TP53AIP1: variants seen among roughly 807,000 people sequenced by gnomAD.
TP53AIP1 encodes the protein tumor protein p53 regulated apoptosis inducing protein 1, also known as p53-regulated apoptosis-inducing protein 1.
A neutral mutation model predicts 9.5 loss-of-function variants in TP53AIP1; 14 were observed. That is an observed-to-expected ratio of 1.47 (90% CI 0.97 to 2.30). TP53AIP1 has a LOEUF of 2.30. Among genes scored for constraint, TP53AIP1 ranks in the 30% most tolerant of loss-of-function variants. TP53AIP1 has a pLI of 0.00. For synonymous variants in TP53AIP1, 73 were observed against 61.2 expected, an observed-to-expected ratio of 1.19 and a Z score of -0.90; for missense variants, 153 against 146.7, an observed-to-expected ratio of 1.04 and a Z score of -0.22.
Position 128,935,465 on chromosome 11 carries a change from T to G in TP53AIP1, c.*126A>C. 2 of 1,435,738 alleles carry G rather than the reference T, an allele frequency of 1.4e-6. No individual in the cohort carries two copies. The highest frequency in any genetic ancestry group is 1.8e-6 in the Non-Finnish European group (2 of 1,099,754). The allele number at this position is 1,435,738 out of a possible 1,614,324, so 88.9% of individuals were successfully genotyped here. On this transcript the variant is annotated 3_prime_UTR_variant, in exon 4 of 4. Transcript: ENST00000531399. The stretch of plus-strand genomic sequence containing the variant: ...CTGGCCCAGTGGTCAAGGGGGGAAA[T>G]GAGGTGGCCGCTAGTCAGCGCTGGA...
At position 128,937,706 on chromosome 11, in the gene TP53AIP1, C is replaced by A; in HGVS notation, c.113G>T (p.Gly38Val). 2 of 1,614,166 alleles carry A rather than the reference C, an allele frequency of 1.2e-6. No individual in the cohort carries two copies. Among genetic ancestry groups the A allele is most frequent in the Non-Finnish European group, 8.5e-7 (1 of 1,180,028 alleles). The change falls in exon 2 of 4, where the codon GGC becomes GTC. Residue 38 changes from glycine (G) to valine (V), a missense_variant. By Grantham distance (109) the Gly-to-Val change is moderately radical (BLOSUM62 -3). Coordinates refer to ENST00000531399, the MANE Select transcript of TP53AIP1 (RefSeq NM_022112.3). This position sits in a 1 kb window ranked among gnomAD's most constrained non-coding sequence, Gnocchi z 4.8. ...GCCAGGTGTGTGTGTCTGAGCCCTGCCATTCGGAGGCATCACCGAGAGGTT... is the reference window on the plus strand; with the variant it reads ...GCCAGGTGTGTGTGTCTGAGCCCTGACATTCGGAGGCATCACCGAGAGGTT... ...DQNLSVMPPNGRAQTHTPGWV... is the reference protein window; with the variant it reads ...DQNLSVMPPNVRAQTHTPGWV...
At chr11:128,941,616 A>T (rs1374626928) in intron 1 of TP53AIP1, among the ~76,000 whole-genome samples, 3 of 152,142 alleles carry the variant, frequency 2.0e-5, no homozygotes, top group South Asian at 4.1e-4. Context: ...CGGTTCCGAC[A>T]TTTCTTTCTC....
rs1944799648 is a variant in TP53AIP1, at chr11:128,935,527, T to TTTGTTTGC, written c.*63_*64insGCAAACAA. 2.0e-6 allele frequency: 3 copies of TTTGTTTGC among 1,513,166 alleles called. No individual in the cohort carries two copies. The East Asian group carries it at 7.4e-5, about 37-fold the overall frequency. The allele number at this position is 1,513,166 out of a possible 1,614,324, so 93.7% of individuals were successfully genotyped here. A position where few individuals can be genotyped will look rare whatever the true frequency, so the allele number is the denominator to read the frequency against. ...ACGGTGCTTTCTGTTTGTTTGTTTG[T>TTTGTTTGC]TTTTGTTTTGAGATGGAGTCTCTCT... is the stretch of plus-strand genomic sequence containing the variant. On this transcript the variant is annotated 3_prime_UTR_variant, in exon 4 of 4. Transcript: ENST00000531399.
At chr11:128,940,515 C>T (rs1944920368) in intron 1 of TP53AIP1, among the ~76,000 whole-genome samples, 1 of 152,184 alleles carries the variant, frequency 6.6e-6, no homozygotes, top group African/African-American at 2.4e-5. Flanking sequence ...GCCCTTCCAC[C>T]TTCAGCCATG....
rs117095134 is a variant in TP53AIP1, at chr11:128,935,370, T to A, written c.*221A>T. 0.027 allele frequency: 38,471 copies of A among 1,411,382 alleles called. 623 individuals carry two copies. Among genetic ancestry groups the A allele is most frequent in the Admixed American group, 0.062 (2,043 of 33,098 alleles). The allele number at this position is 1,411,382 out of a possible 1,614,324, so 87.4% of individuals were successfully genotyped here. ...GATTGGAATGCAAACTTCACAAGAA[T>A]TTTTTTCCAGCTTTTATTTCAGATT... On this transcript the variant is annotated 3_prime_UTR_variant, in exon 4 of 4. Transcript: ENST00000531399.
At position 128,937,669 on chromosome 11, in the gene TP53AIP1, G is replaced by A. The variant is rs1255931113; in HGVS notation, c.141+9C>T. On this transcript the variant is annotated intron_variant, in intron 2 of 3. Coordinates refer to ENST00000531399, the MANE Select transcript of TP53AIP1 (RefSeq NM_022112.3). The surrounding 1 kb of genome is among the most constrained non-coding windows in gnomAD (Gnocchi z 4.8). ...AAAGACCGTCTCGGTTTTCACTGCA[G>A]GGACTTACCCAGCCAGGTGTGTGTG... 3 of 1,614,188 alleles carry A rather than the reference G, an allele frequency of 1.9e-6. No homozygotes were observed. The highest frequency in any genetic ancestry group is 2.5e-6 in the Non-Finnish European group (3 of 1,180,034).
chr11:128,935,881 A>G, intron 3 of TP53AIP1, 169 bp from the exon 4 acceptor site: 1 of 1,320,290 alleles, frequency 7.6e-7, no homozygotes. Context: ...AAGACAGGAA[A>G]AAAAATCTTT....
At position 128,937,271 on chromosome 11, in the gene TP53AIP1, A is replaced by G; in HGVS notation, c.141+407T>C. The stretch of plus-strand genomic sequence containing the variant: ...AAGCAGGATCCGGGGTGGACGCAGA[A>G]GAGCAGGCCCGGAGCCCTGCACCCC... On this transcript the variant is annotated intron_variant, in intron 2 of 3. Coordinates refer to ENST00000531399, the MANE Select transcript of TP53AIP1 (RefSeq NM_022112.3). This position sits in a 1 kb window ranked among gnomAD's most constrained non-coding sequence, Gnocchi z 4.8. The G allele has an allele frequency of 7.6e-7, 1 of 1,313,302 alleles. No individual in the cohort carries two copies. The highest frequency in any genetic ancestry group is 2.9e-5 in the East Asian group (1 of 34,236). 81.4% of individuals were successfully genotyped at this position (1,313,302 alleles called of 1,614,324 possible).
chr11:128,940,027 C>A (rs1030238381), intron 1 of TP53AIP1, among the ~76,000 whole-genome samples: 9 of 152,110 alleles, frequency 5.9e-5, no homozygotes, highest in Non-Finnish European at 1.3e-4. Flanking sequence ...TGCACCCAGC[C>A]CCCCCTTGCT....
At chr11:128,942,268 T>C (rs552869896) in intron 1 of TP53AIP1, among the ~76,000 whole-genome samples, 7 of 152,292 alleles carry the variant, frequency 4.6e-5, no homozygotes, top group East Asian at 1.9e-4. Context: ...CCCAGATCCA[T>C]TCAAAGTGAA....
chr11:128,935,362 C>T, downstream of TP53AIP1: 14 of 1,414,296 alleles, frequency 9.9e-6, no homozygotes, highest in Non-Finnish European at 1.3e-5. Flanking sequence ...ATGCAAACTT[C>T]ACAAGAATTT....
intron 3 of TP53AIP1, chr11:128,936,213 A>G: frequency 7.4e-6 from 8 of 1,084,776 alleles, no homozygotes; most frequent in Non-Finnish European, 7.8e-6. Context: ...TAAAGTTGGA[A>G]TGGAAGACTG....
At chr11:128,936,712 T>G in intron 2 of TP53AIP1, 63 bp from the exon 3 acceptor site, 1 of 1,508,476 alleles carries the variant, frequency 6.6e-7, no homozygotes, top group Non-Finnish European at 8.8e-7. Flanking sequence ...GGTTTATTCT[T>G]CTCTGGCAGG....
In TP53AIP1 at chr11:128,936,641, A is replaced by C; in HGVS notation, c.150T>G (p.Asp50Glu). The stretch of plus-strand genomic sequence containing the variant: ...GAACTTGGGCACCCAAAACTAAGGG[A>C]TCTGAAACCTGAGAGGAAATGGAAG... ...AQTHTPGWVS[D>E]PLVLGAQVHG... The change falls in exon 3 of 4, where the codon GAT becomes GAG. Residue 50 changes from aspartate (D) to glutamate (E), a missense_variant. By Grantham distance (45) the Asp-to-Glu change is conservative. Coordinates refer to ENST00000531399, the MANE Select transcript of TP53AIP1 (RefSeq NM_022112.3). 6.3e-7 allele frequency: 1 copy of C among 1,582,972 alleles called. No individual in the cohort carries two copies. Among genetic ancestry groups the C allele is most frequent in the African/African-American group, 1.3e-5 (1 of 74,644 alleles).
At position 128,937,316 on chromosome 11, in the gene TP53AIP1, C is replaced by G; in HGVS notation, c.141+362G>C. 1 of 1,393,774 alleles carries G rather than the reference C, an allele frequency of 7.2e-7. No homozygotes were observed. Among genetic ancestry groups the G allele is most frequent in the African/African-American group, 1.5e-5 (1 of 68,916 alleles). The allele number at this position is 1,393,774 out of a possible 1,614,324, so 86.3% of individuals were successfully genotyped here. Reference sequence around the variant, plus strand: ...CACCCCAGCCTTCCCTCCCCATGCGCTCCACATGCGTCCTTTGTTCAGCCT... The same window carrying G: ...CACCCCAGCCTTCCCTCCCCATGCGGTCCACATGCGTCCTTTGTTCAGCCT... On this transcript the variant is annotated intron_variant, in intron 2 of 3. Coordinates refer to ENST00000531399, the MANE Select transcript of TP53AIP1 (RefSeq NM_022112.3). The surrounding 1 kb of genome is among the most constrained non-coding windows in gnomAD (Gnocchi z 4.8).
Position 128,937,429 on chromosome 11 carries a change from G to T in TP53AIP1, c.141+249C>A, listed in dbSNP as rs1944848695. On this transcript the variant is annotated intron_variant, in intron 2 of 3. Transcript: ENST00000531399. The surrounding 1 kb of genome is among the most constrained non-coding windows in gnomAD (Gnocchi z 4.8). ...TCTCAGAAAACCTTTCTGCCTCCTA[G>T]AAACCCAGGATTCCGAGGAGGAGGA... 6.8e-7 allele frequency: 1 copy of T among 1,469,930 alleles called. No individual in the cohort carries two copies. The highest frequency in any genetic ancestry group is 1.4e-5 in the South Asian group (1 of 69,594). 91.1% of individuals were successfully genotyped at this position (1,469,930 alleles called of 1,614,324 possible). A position where few individuals can be genotyped will look rare whatever the true frequency, so the allele number is the denominator to read the frequency against.
At position 128,936,625 on chromosome 11, in the gene TP53AIP1, C is replaced by A. The variant is rs368978732; in HGVS notation, c.166G>T (p.Ala56Ser). Reference protein sequence around the residue: ...GWVSDPLVLGAQVHGGCRGIE... With the variant: ...GWVSDPLVLGSQVHGGCRGIE... ...CCCCGGCACCCTCCGTGAACTTGGGCACCCAAAACTAAGGGATCTGAAACC... is the reference window on the plus strand; with the variant it reads ...CCCCGGCACCCTCCGTGAACTTGGGAACCCAAAACTAAGGGATCTGAAACC... The change falls in exon 3 of 4, where the codon GCC becomes TCC. Residue 56 changes from alanine (A) to serine (S), a missense_variant. Transcript: ENST00000531399. 4 of 1,587,392 alleles carry A rather than the reference C, an allele frequency of 2.5e-6. No individual in the cohort carries two copies. The highest frequency in any genetic ancestry group is 3.4e-6 in the Non-Finnish European group (4 of 1,174,784).
downstream of TP53AIP1, among the ~76,000 whole-genome samples, chr11:128,935,200 C>T (rs547626887): frequency 1.8e-4 from 27 of 152,344 alleles, no homozygotes; most frequent in Admixed American, 1.4e-3. Context: ...TGATCAAACC[C>T]GCACTTCTCA....
At chr11:128,935,180 C>G, downstream of TP53AIP1, 4 of 1,070,740 alleles carry the variant, frequency 3.7e-6, 1 homozygote, top group South Asian at 2.8e-5. Flanking sequence ...TCAGCAGCAT[C>G]TGCTATAGAT....
Sources: gnomAD v4.1 joint callset for allele counts (sites outside exome capture counted in the v4.1 genomes callset) on GRCh38, gnomAD v4.1.1 for gene constraint, Gnocchi (gnomAD v3.1) non-coding constraint, MANE v1.5 for transcripts, NCBI Gene and HGNC (gene_info 2026-07-23, HGNC 2026-07-21) for gene names.